ATRNL1: variants seen among roughly 807,000 people sequenced by gnomAD.
ATRNL1 encodes attractin-like protein 1.
Under a neutral mutation model 182.7 loss-of-function variants are expected in ATRNL1, and 95 were observed. The ratio of observed to expected loss-of-function variants is 0.52; its 90% confidence interval spans 0.44 to 0.62. The LOEUF is 0.62. ATRNL1 is among the 20% of genes least tolerant of loss of function. ATRNL1 has a pLI of 0.00. For missense variants in ATRNL1, 1,471 were observed against 1,679.5 expected (o/e 0.88, Z 2.17); for synonymous variants, 576 against 568.3 (o/e 1.01, Z -0.19).
intron 26 of ATRNL1, among the ~76,000 whole-genome samples, chr10:115,550,116 T>A (rs1592836700): frequency 6.6e-6 from 1 of 151,834 alleles, no homozygotes; most frequent in African/African-American, 2.4e-5. Context: ...AAATAACAAC[T>A]GATTATATAA....
chr10:115,615,858 A>T (rs1217681544), intron 26 of ATRNL1, among the ~76,000 whole-genome samples: 2 of 152,186 alleles, frequency 1.3e-5, no homozygotes, highest in Non-Finnish European at 2.9e-5. Context: ...TAAATTACCC[A>T]GTCACAGGTA....
chr10:115,543,422 A>C (rs931457464), intron 25 of ATRNL1, among the ~76,000 whole-genome samples: 5 of 152,192 alleles, frequency 3.3e-5, no homozygotes, highest in African/African-American at 7.2e-5. Flanking sequence ...TATAAAATTG[A>C]AAGATAGTTT....
At chr10:115,935,426 G>T (rs114558405) in intron 28 of ATRNL1, among the ~76,000 whole-genome samples, 3,786 of 152,078 alleles carry the variant, frequency 0.025, 146 homozygotes, top group African/African-American at 0.087. Context: ...CAATATTTTT[G>T]ACCATAGCTG....
At chr10:115,886,302 TCATTAGTTTCGAGACCAG>T (rs1247562634) in intron 28 of ATRNL1, among the ~76,000 whole-genome samples, 1 of 152,106 alleles carries the variant, frequency 6.6e-6, no homozygotes, top group East Asian at 1.9e-4. Context: ...CTCATAAAAA[TCATTAGTTTCGAGACCAG>T]CCTGACTAAC....
intron 13 of ATRNL1, among the ~76,000 whole-genome samples, chr10:115,270,377 TATA>T (rs1851803551): frequency 7.1e-6 from 1 of 140,598 alleles, no homozygotes; most frequent in Admixed American, 7.2e-5. Context: ...AAATCTATTA[TATA>T]ATATATAAAT....
intron 27 of ATRNL1, among the ~76,000 whole-genome samples, chr10:115,800,074 G>C (rs1359662765): frequency 6.6e-6 from 1 of 151,998 alleles, no homozygotes; most frequent in African/African-American, 2.4e-5. Flanking sequence ...TACAAAATTA[G>C]CTGGACGTGG....
chr10:115,909,914 G>A (rs1555115494), intron 28 of ATRNL1, among the ~76,000 whole-genome samples: 4 of 152,056 alleles, frequency 2.6e-5, no homozygotes, highest in Non-Finnish European at 1.5e-5. Context: ...ACAAATAACT[G>A]AGTCCTCATT....
chr10:115,351,669 C>T (rs1291017862), intron 19 of ATRNL1, among the ~76,000 whole-genome samples: 3 of 152,004 alleles, frequency 2.0e-5, no homozygotes, highest in Non-Finnish European at 4.4e-5. Context: ...TTGTTGAAAT[C>T]AGTTTGCTGA....
rs536328679 is a variant in ATRNL1, at chr10:115,586,706, C to T, written c.3795+37170C>T. Among the ~76,000 whole-genome samples, 242 of 120,588 alleles carry T rather than the reference C, an allele frequency of 2.0e-3. 7 individuals carry two copies. Among genetic ancestry groups the T allele is most frequent in the African/African-American group, 6.2e-3 (232 of 37,404 alleles). The allele number at this position is 120,588 out of a possible 152,430, so 79.1% of individuals were successfully genotyped here. A position where few individuals can be genotyped will look rare whatever the true frequency, so the allele number is the denominator to read the frequency against. On this transcript the variant is annotated intron_variant, in intron 26 of 28. Coordinates refer to ENST00000355044, the MANE Select transcript of ATRNL1 (RefSeq NM_207303.4). ...TCTTTGCCTTTGGTTTGAATGTCCTCCCATATCTCAGAGTAATTTGATCGT... is the reference window on the plus strand; with the variant it reads ...TCTTTGCCTTTGGTTTGAATGTCCTTCCATATCTCAGAGTAATTTGATCGT...
chr10:115,707,975 A>G (rs1267272426), intron 26 of ATRNL1, among the ~76,000 whole-genome samples: 1 of 151,718 alleles, frequency 6.6e-6, no homozygotes, highest in African/African-American at 2.4e-5. Context: ...GTGCTTCATT[A>G]ATTTAATTTT....
chr10:115,582,539 T>A (rs1460789537), intron 26 of ATRNL1, among the ~76,000 whole-genome samples: 6 of 121,620 alleles, frequency 4.9e-5, no homozygotes, highest in Admixed American at 9.4e-5. Flanking sequence ...TGCATAAATG[T>A]CTTCTTTTGA....
chr10:115,176,828 C>G (rs1475632303), intron 8 of ATRNL1, among the ~76,000 whole-genome samples: 3 of 151,872 alleles, frequency 2.0e-5, no homozygotes, highest in Non-Finnish European at 4.4e-5. Context: ...TATTCTTTTT[C>G]TAAGAAGTTT....
chr10:115,663,726 T>G (rs1296252190), intron 26 of ATRNL1, among the ~76,000 whole-genome samples: 2 of 152,072 alleles, frequency 1.3e-5, no homozygotes, highest in African/African-American at 4.8e-5. Flanking sequence ...TAAACATGGA[T>G]GGATGCCAAA....
intron 10 of ATRNL1, among the ~76,000 whole-genome samples, chr10:115,247,704 A>G (rs1850704580): frequency 6.6e-6 from 1 of 152,210 alleles, no homozygotes; most frequent in African/African-American, 2.4e-5. Context: ...TCAGTATATT[A>G]AAGAGACACC....
chr10:115,889,201 G>A lies in ATRNL1; in HGVS notation c.4018+41210G>A, dbSNP rs1589652709. 3.3e-5 allele frequency among the ~76,000 whole-genome samples: 5 copies of A among 152,330 alleles called. No homozygotes were observed. In the South Asian group the frequency reaches 1.0e-3, roughly 32 times the overall value. On this transcript the variant is annotated intron_variant, in intron 28 of 28. Coordinates refer to ENST00000355044, the MANE Select transcript of ATRNL1 (RefSeq NM_207303.4). ...AGAGAAGCAGAAAGGCAGATACAGA[G>A]CAGCACTAGAAGACAGCATCTCTCT...
chr10:115,118,936 G>C (rs542694583), intron 1 of ATRNL1, among the ~76,000 whole-genome samples: 3 of 152,208 alleles, frequency 2.0e-5, no homozygotes, highest in Admixed American at 6.5e-5. Context: ...ATCAGGGCAA[G>C]TTATTTAACT....
intron 19 of ATRNL1, among the ~76,000 whole-genome samples, chr10:115,394,061 A>G (rs1287422352): frequency 6.6e-6 from 1 of 152,086 alleles, no homozygotes; most frequent in Non-Finnish European, 1.5e-5. Flanking sequence ...GTTCTTTTTT[A>G]AAACACAATC....
At chr10:115,239,441 C>G (rs558742077) in intron 9 of ATRNL1, among the ~76,000 whole-genome samples, 6 of 152,174 alleles carry the variant, frequency 3.9e-5, no homozygotes, top group Admixed American at 3.9e-4. Context: ...ACCATGTTGG[C>G]AAGCCTAGTC....
chr10:115,102,151 C>A (rs1843794874), intron 1 of ATRNL1, among the ~76,000 whole-genome samples: 1 of 152,144 alleles, frequency 6.6e-6, no homozygotes, highest in Non-Finnish European at 1.5e-5. Context: ...GCAGTCTTAT[C>A]TGTTTATCCT....
Sources: allele counts gnomAD v4.1 joint callset (sites outside exome capture counted in the v4.1 genomes callset), GRCh38; gene constraint gnomAD v4.1.1; transcripts MANE v1.5; gene names NCBI Gene and HGNC (gene_info 2026-07-23, HGNC 2026-07-21).